PIAS1: variants seen among roughly 807,000 people sequenced by gnomAD.
The protein encoded by PIAS1 is protein inhibitor of activated STAT 1.
In PIAS1, 6 loss-of-function variants were observed where a neutral mutation model predicts 71.3. That is an observed-to-expected ratio of 0.08 (90% CI 0.05 to 0.17). The LOEUF (loss-of-function observed/expected upper bound fraction) is 0.17, where lower values mean the gene tolerates loss of function less well. Among genes scored for constraint, PIAS1 ranks in the 10% least tolerant of loss-of-function variants. The pLI, the probability that PIAS1 is intolerant of heterozygous loss-of-function variation, is 1.00. For synonymous variants in PIAS1, 303 were observed against 292.9 expected, an observed-to-expected ratio of 1.03 and a Z score of -0.35; for missense variants, 555 against 793.6, an observed-to-expected ratio of 0.70 and a Z score of 3.61.
chr15:68,138,532 T>C (rs1233928557), intron 2 of PIAS1, among the ~76,000 whole-genome samples: 1 of 152,190 alleles, frequency 6.6e-6, no homozygotes, highest in East Asian at 1.9e-4. Context: ...TGGAGTGCAG[T>C]GCGGCGATCT....
At chr15:68,090,741 C>G (rs1008291165) in intron 2 of PIAS1, among the ~76,000 whole-genome samples, 1 of 151,956 alleles carries the variant, frequency 6.6e-6, no homozygotes, top group Non-Finnish European at 1.5e-5. Context: ...TCTTATTGCC[C>G]TATCCTGTCA....
intron 1 of PIAS1, among the ~76,000 whole-genome samples, chr15:68,079,135 T>C (rs1482218306): frequency 6.6e-6 from 1 of 152,172 alleles, no homozygotes; most frequent in Non-Finnish European, 1.5e-5. Context: ...ATCCAAATTC[T>C]GTATTTGCCA....
intron 1 of PIAS1, chr15:68,057,431 T>A: frequency 2.5e-6 from 1 of 404,706 alleles, no homozygotes; most frequent in Non-Finnish European, 4.8e-6. Flanking sequence ...AATATGTGTT[T>A]TTTTGGAGTA....
At chr15:68,141,825 T>C (rs765455754) in intron 2 of PIAS1, 121 bp from the exon 3 acceptor site, 1 of 610,292 alleles carries the variant, frequency 1.6e-6, no homozygotes, top group Non-Finnish European at 2.9e-6. Flanking sequence ...TTTAATTGCC[T>C]TGTTATCTAA....
chr15:68,060,145 A>G lies in PIAS1; in HGVS notation c.24+5795A>G, dbSNP rs367900543. ...TAGTATTTTATAATCTATTCATACT[A>G]TTCTATGAATAGTAGAATTTCAAGT... On this transcript the variant is annotated intron_variant, in intron 1 of 13. Coordinates refer to ENST00000249636, the MANE Select transcript of PIAS1 (RefSeq NM_016166.3). Among the ~76,000 whole-genome samples, 15 of 152,318 alleles carry G rather than the reference A, an allele frequency of 9.8e-5. 1 individual carries two copies. Among genetic ancestry groups the G allele is most frequent in the African/African-American group, 1.7e-4 (7 of 41,560 alleles).
chr15:68,175,629 T>C lies in PIAS1; in HGVS notation c.1170-8T>C. On this transcript the variant is annotated splice_region_variant and splice_polypyrimidine_tract_variant and intron_variant, in intron 9 of 13. Coordinates refer to ENST00000249636, the MANE Select transcript of PIAS1 (RefSeq NM_016166.3). ...AATATATTCTAAGGATGAATTGTTTTCTTATAGCTTGTTTATGGAAATCCT... is the reference window on the plus strand; with the variant it reads ...AATATATTCTAAGGATGAATTGTTTCCTTATAGCTTGTTTATGGAAATCCT... 7.0e-7 allele frequency: 1 copy of C among 1,426,012 alleles called. No homozygotes were observed. The highest frequency in any genetic ancestry group is 9.4e-7 in the Non-Finnish European group (1 of 1,059,546). 88.3% of individuals were successfully genotyped at this position (1,426,012 alleles called of 1,614,324 possible). A position where few individuals can be genotyped will look rare whatever the true frequency, so the allele number is the denominator to read the frequency against.
chr15:68,172,111 T>G (rs1242692254), intron 8 of PIAS1, among the ~76,000 whole-genome samples: 2 of 149,996 alleles, frequency 1.3e-5, no homozygotes, highest in Non-Finnish European at 3.0e-5. Context: ...CCCCGCCCTG[T>G]GTCCAAGTGT....
chr15:68,107,253 C>G (rs146846774), intron 2 of PIAS1, among the ~76,000 whole-genome samples: 1 of 152,152 alleles, frequency 6.6e-6, no homozygotes, highest in Non-Finnish European at 1.5e-5. Context: ...CATTAACTTA[C>G]AGCTGTTTTC....
intron 2 of PIAS1, among the ~76,000 whole-genome samples, chr15:68,139,999 ACT>A (rs2141044908): frequency 6.6e-6 from 1 of 152,146 alleles, no homozygotes; most frequent in Non-Finnish European, 1.5e-5. Context: ...TATAGACTTC[ACT>A]GTCATTTGTA....
At chr15:68,123,681 A>G (rs1431985061) in intron 2 of PIAS1, among the ~76,000 whole-genome samples, 1 of 152,212 alleles carries the variant, frequency 6.6e-6, no homozygotes, top group African/African-American at 2.4e-5. Context: ...AAACTAATTT[A>G]AAATTACTCA....
intron 2 of PIAS1, among the ~76,000 whole-genome samples, chr15:68,112,487 T>A (rs1258002707): frequency 6.6e-6 from 1 of 152,140 alleles, no homozygotes; most frequent in African/African-American, 2.4e-5. Context: ...TGTTGTTATC[T>A]AGGTCATCAG....
At position 68,086,281 on chromosome 15, in the gene PIAS1, T is replaced by C. The variant is rs376878632; in HGVS notation, c.25-25T>C. 53 of 1,452,580 alleles carry C rather than the reference T, an allele frequency of 3.6e-5. No homozygotes were observed. The African/African-American group carries it at 6.6e-4, about 18-fold the overall frequency. The allele number at this position is 1,452,580 out of a possible 1,614,324, so 90.0% of individuals were successfully genotyped here. A position where few individuals can be genotyped will look rare whatever the true frequency, so the allele number is the denominator to read the frequency against. On this transcript the variant is annotated intron_variant, in intron 1 of 13. Transcript: ENST00000249636. The surrounding 1 kb of genome is among the most constrained non-coding windows in gnomAD (Gnocchi z 7.2). Reference sequence around the variant, plus strand: ...AAATTATATTATTGGAATACTAATGTTTTACATTTTGTTTTTTCTCTAAGC... The same window carrying C: ...AAATTATATTATTGGAATACTAATGCTTTACATTTTGTTTTTTCTCTAAGC...
chr15:68,086,208 A>T lies in PIAS1; in HGVS notation c.25-98A>T. ...TAAGTGAGCTGGCCTTTATTTGCTT[A>T]AGTAAACCATAAGAAGGGGGTTATA... On this transcript the variant is annotated intron_variant, in intron 1 of 13. Transcript: ENST00000249636. This position sits in a 1 kb window ranked among gnomAD's most constrained non-coding sequence, Gnocchi z 7.2. 1 of 819,302 alleles carries T rather than the reference A, an allele frequency of 1.2e-6. No individual in the cohort carries two copies. Among genetic ancestry groups the T allele is most frequent in the Non-Finnish European group, 1.9e-6 (1 of 533,398 alleles). The allele number at this position is 819,302 out of a possible 1,614,324, so 50.8% of individuals were successfully genotyped here.
At chr15:68,104,828 G>A (rs1196389155) in intron 2 of PIAS1, among the ~76,000 whole-genome samples, 1 of 152,086 alleles carries the variant, frequency 6.6e-6, no homozygotes, top group East Asian at 1.9e-4. Flanking sequence ...ATGTAACAAA[G>A]TTTACATAAG....
chr15:68,188,077 GAAAGAAA>G lies in PIAS1; in HGVS notation c.*244_*250del, dbSNP rs2093099851. 3.5e-6 allele frequency: 1 copy of G among 289,100 alleles called. No homozygotes were observed. The highest frequency in any genetic ancestry group is 2.2e-5 in the African/African-American group (1 of 45,738). 17.9% of individuals were successfully genotyped at this position (289,100 alleles called of 1,614,324 possible). ...AAAACACTTGTTTAAAAAAAAAAAG[GAAAGAAA>G]AGAAAAAAGAAAAACAAGCACCCAC... On this transcript the variant is annotated 3_prime_UTR_variant, in exon 14 of 14. Coordinates refer to ENST00000249636, the MANE Select transcript of PIAS1 (RefSeq NM_016166.3).
At chr15:68,126,928 T>G (rs889342476) in intron 2 of PIAS1, among the ~76,000 whole-genome samples, 2 of 152,054 alleles carry the variant, frequency 1.3e-5, no homozygotes, top group Admixed American at 1.3e-4. Context: ...TTTTTTTGAC[T>G]TATTTTAATT....
chr15:68,147,260 A>C (rs1346292329), intron 6 of PIAS1, among the ~76,000 whole-genome samples: 1 of 152,216 alleles, frequency 6.6e-6, no homozygotes, highest in East Asian at 1.9e-4. Context: ...GTGCTCGTTA[A>C]CACTATTATC....
Position 68,086,287 on chromosome 15 carries a change from A to G in PIAS1, c.25-19A>G. 4 of 1,495,442 alleles carry G rather than the reference A, an allele frequency of 2.7e-6. No individual in the cohort carries two copies. The highest frequency in any genetic ancestry group is 1.4e-5 in the African/African-American group (1 of 70,746). The allele number at this position is 1,495,442 out of a possible 1,614,324, so 92.6% of individuals were successfully genotyped here. A position where few individuals can be genotyped will look rare whatever the true frequency, so the allele number is the denominator to read the frequency against. ...TATTATTGGAATACTAATGTTTTAC[A>G]TTTTGTTTTTTCTCTAAGCAAATGG... is the stretch of plus-strand genomic sequence containing the variant. On this transcript the variant is annotated intron_variant, in intron 1 of 13. Transcript: ENST00000249636. This position sits in a 1 kb window ranked among gnomAD's most constrained non-coding sequence, Gnocchi z 7.2.
chr15:68,059,709 CAAAAAA>C (rs770069635), intron 1 of PIAS1, among the ~76,000 whole-genome samples: 104 of 76,504 alleles, frequency 1.4e-3, no homozygotes, highest in African/African-American at 2.5e-3. Flanking sequence ...CCGTCTCAAA[CAAAAAA>C]AAAAAAAAAA....
Sources: gnomAD v4.1 joint callset for allele counts (sites outside exome capture counted in the v4.1 genomes callset) on GRCh38, gnomAD v4.1.1 for gene constraint, Gnocchi (gnomAD v3.1) non-coding constraint, MANE v1.5 for transcripts, NCBI Gene and HGNC (gene_info 2026-07-23, HGNC 2026-07-21) for gene names.